Variants in SLC7A14 observed in about 807,000 individuals in gnomAD.
SLC7A14 encodes the protein gamma-aminobutyric acid transporter SLC7A14.
A neutral mutation model predicts 60.2 loss-of-function variants in SLC7A14; 37 were observed. The observed-to-expected ratio is 0.61, with a 90% CI of 0.47 to 0.81. The LOEUF (loss-of-function observed/expected upper bound fraction) is 0.81, where lower values mean the gene tolerates loss of function less well. SLC7A14 is among the 30% of genes least tolerant of loss of function. SLC7A14 has a pLI of 0.00. For missense variants in SLC7A14, 886 were observed against 982.7 expected (o/e 0.90, Z 1.32); for synonymous variants, 399 against 395.8 (o/e 1.01, Z -0.10).
intron 2 of SLC7A14, among the ~76,000 whole-genome samples, chr3:170,513,325 A>G (rs1258007919): frequency 1.3e-5 from 2 of 152,340 alleles, no homozygotes; most frequent in South Asian, 2.1e-4. Context: ...TACTTCACAT[A>G]TAAGAGAAAC....
At chr3:170,549,277 C>T (rs1051899451) in intron 1 of SLC7A14, among the ~76,000 whole-genome samples, 15 of 148,468 alleles carry the variant, frequency 1.0e-4, no homozygotes, top group Admixed American at 4.7e-4. Context: ...TGCAGTGGCA[C>T]GATCTTGGCT....
At chr3:170,563,699 G>A (rs949539933) in intron 1 of SLC7A14, among the ~76,000 whole-genome samples, 2 of 152,138 alleles carry the variant, frequency 1.3e-5, no homozygotes, top group African/African-American at 4.8e-5. Context: ...GGGATTACAG[G>A]CGTAAGCCAC....
At chr3:170,468,483 A>G (rs1162585401) in intron 7 of SLC7A14, among the ~76,000 whole-genome samples, 2 of 152,070 alleles carry the variant, frequency 1.3e-5, no homozygotes, top group African/African-American at 4.8e-5. Flanking sequence ...TTTTTGAGAG[A>G]TGGAGTTTCA....
chr3:170,584,680 G>A (rs1473431526), intron 1 of SLC7A14, among the ~76,000 whole-genome samples: 8 of 152,166 alleles, frequency 5.3e-5, no homozygotes, highest in Non-Finnish European at 1.5e-5. Context: ...GGCCCTGGCG[G>A]TATTAGCACC....
intron 2 of SLC7A14, among the ~76,000 whole-genome samples, chr3:170,509,805 G>A (rs1250085817): frequency 3.3e-5 from 5 of 150,772 alleles, no homozygotes; most frequent in Non-Finnish European, 7.4e-5. Flanking sequence ...TTAGCCGGGC[G>A]TGGTGGTGCA....
intron 1 of SLC7A14, among the ~76,000 whole-genome samples, chr3:170,563,701 G>A (rs566935310): frequency 4.1e-4 from 62 of 152,202 alleles, no homozygotes; most frequent in African/African-American, 1.4e-3. Context: ...GATTACAGGC[G>A]TAAGCCACCG....
At chr3:170,533,339 G>T (rs1419823737) in intron 1 of SLC7A14, among the ~76,000 whole-genome samples, 1 of 152,182 alleles carries the variant, frequency 6.6e-6, no homozygotes, top group Non-Finnish European at 1.5e-5. Context: ...AAACTGAACT[G>T]TGATGTGTGT....
At chr3:170,484,393 C>T (rs74572678) in intron 5 of SLC7A14, among the ~76,000 whole-genome samples, 1,579 of 152,276 alleles carry the variant, frequency 0.01, 26 homozygotes, top group African/African-American at 0.037. Flanking sequence ...GCATGTGCAT[C>T]GGGGAGGTGA....
intron 1 of SLC7A14, among the ~76,000 whole-genome samples, chr3:170,534,319 T>G (rs1463132952): frequency 6.6e-6 from 1 of 152,206 alleles, no homozygotes; most frequent in Non-Finnish European, 1.5e-5. Context: ...GGTGGAAATG[T>G]AAAATGTCTC....
chr3:170,537,281 T>A (rs994069364), intron 1 of SLC7A14, among the ~76,000 whole-genome samples: 26 of 152,198 alleles, frequency 1.7e-4, no homozygotes, highest in Non-Finnish European at 3.5e-4. Flanking sequence ...ATTCTTTCCT[T>A]CTTCAAAACC....
At chr3:170,534,795 T>C (rs1287486380) in intron 1 of SLC7A14, among the ~76,000 whole-genome samples, 2 of 152,214 alleles carry the variant, frequency 1.3e-5, no homozygotes, top group Non-Finnish European at 2.9e-5. Flanking sequence ...AAAAAACTTA[T>C]GAAAACAATT....
At chr3:170,583,811 G>T (rs1715302163) in intron 1 of SLC7A14, among the ~76,000 whole-genome samples, 1 of 152,212 alleles carries the variant, frequency 6.6e-6, no homozygotes, top group African/African-American at 2.4e-5. Flanking sequence ...GGTATCTCAA[G>T]CAGCATGCAA....
rs1712551660 is a variant in SLC7A14, at chr3:170,500,011, A to G, written c.541+1098T>C. ...TACTTGGGTGCTCAGCATTTTTGTC[A>G]GTTCTTTTGATATAGGAATATCGAA... On this transcript the variant is annotated intron_variant, in intron 3 of 7. Coordinates refer to ENST00000231706, the MANE Select transcript of SLC7A14 (RefSeq NM_020949.3). 2.6e-5 allele frequency among the ~76,000 whole-genome samples: 4 copies of G among 152,334 alleles called. No individual in the cohort carries two copies. In the South Asian group the frequency reaches 8.3e-4, roughly 32 times the overall value.
chr3:170,472,240 G>T (rs890049467), intron 7 of SLC7A14, among the ~76,000 whole-genome samples: 1 of 151,004 alleles, frequency 6.6e-6, no homozygotes, highest in African/African-American at 2.4e-5. Context: ...CACGGTGGCG[G>T]GCACTGGTAA....
intron 1 of SLC7A14, among the ~76,000 whole-genome samples, chr3:170,567,638 G>A (rs796728953): frequency 1.3e-5 from 2 of 149,622 alleles, no homozygotes; most frequent in East Asian, 2.0e-4. Context: ...GTGTAAAAGT[G>A]TTCCTATTTC....
chr3:170,557,937 G>T (rs1714533695), intron 1 of SLC7A14, among the ~76,000 whole-genome samples: 1 of 152,282 alleles, frequency 6.6e-6, no homozygotes, highest in African/African-American at 2.4e-5. Context: ...AGATAGAAAA[G>T]GAGTTACTAT....
intron 1 of SLC7A14, among the ~76,000 whole-genome samples, chr3:170,548,916 C>T (rs1714255907): frequency 1.3e-5 from 2 of 152,178 alleles, no homozygotes; most frequent in African/African-American, 4.8e-5. Flanking sequence ...GTCTGTGTCT[C>T]TTTTAGTTTC....
In SLC7A14 at chr3:170,510,405, T is replaced by TAA. The variant is rs201671613; in HGVS notation, c.305-9062_305-9061dup. 6.3e-4 allele frequency among the ~76,000 whole-genome samples: 82 copies of TAA among 129,818 alleles called. 1 individual carries two copies. The highest frequency in any genetic ancestry group is 3.3e-3 in the South Asian group (13 of 3,898). 85.2% of individuals were successfully genotyped at this position (129,818 alleles called of 152,430 possible). A position where few individuals can be genotyped will look rare whatever the true frequency, so the allele number is the denominator to read the frequency against. On this transcript the variant is annotated intron_variant, in intron 2 of 7. Transcript: ENST00000231706. ...ACTCTGTCAAAAAAAAAAAAATAAA[T>TAA]AAATAAATAAATAAATAAAGAATGT...
chr3:170,499,310 G>A (rs1712530939), intron 3 of SLC7A14, among the ~76,000 whole-genome samples: 1 of 146,596 alleles, frequency 6.8e-6, no homozygotes, highest in Non-Finnish European at 1.5e-5. Flanking sequence ...GTGTGTGTGT[G>A]TGCACCTACA....
Sources: gnomAD v4.1 joint callset for allele counts (sites outside exome capture counted in the v4.1 genomes callset) on GRCh38, gnomAD v4.1.1 for gene constraint, MANE v1.5 for transcripts, NCBI Gene and HGNC (gene_info 2026-07-23, HGNC 2026-07-21) for gene names.